The following NRCAM variants were observed in gnomAD, a reference collection of about 807,000 sequenced individuals.
The protein encoded by NRCAM is neuronal cell adhesion molecule, also known as NgCAM-related cell adhesion molecule.
In NRCAM, 83 loss-of-function variants were observed where a neutral mutation model predicts 156.5. The ratio of observed to expected loss-of-function variants is 0.53; its 90% CI spans 0.44 to 0.64. The LOEUF (loss-of-function observed/expected upper bound fraction) is 0.64. Ranked by LOEUF, NRCAM falls within the 30% of genes least tolerant of loss-of-function variation. The pLI, the probability that NRCAM is intolerant of heterozygous loss-of-function variation, is 0.00. For missense variants in NRCAM, 1,417 were observed against 1,597.3 expected (o/e 0.89, Z 1.92); for synonymous variants, 538 against 563.9 (o/e 0.95, Z 0.65).
At chr7:108,176,828 G>A (rs958468938) in intron 26 of NRCAM, 4 of 381,242 alleles carry the variant, frequency 1.0e-5, no homozygotes, top group African/African-American at 6.3e-5. Context: ...ATCACAAGGG[G>A]GTAGTATGTT....
intron 1 of NRCAM, among the ~76,000 whole-genome samples, chr7:108,418,597 A>ACACACACACG (rs1554626861): frequency 3.4e-4 from 50 of 149,232 alleles, no homozygotes; most frequent in African/African-American, 1.1e-3. Flanking sequence ...ACACACACAC[A>ACACACACACG]CACGCACTGA....
intron 1 of NRCAM, among the ~76,000 whole-genome samples, chr7:108,417,502 T>A (rs758668465): frequency 6.6e-6 from 1 of 152,206 alleles, no homozygotes; most frequent in East Asian, 1.9e-4. Flanking sequence ...CACCTCTTCA[T>A]ACTGTTACAA....
At chr7:108,167,935 A>AT (rs2055812154) in intron 29 of NRCAM, among the ~76,000 whole-genome samples, 1 of 152,140 alleles carries the variant, frequency 6.6e-6, no homozygotes, top group Non-Finnish European at 1.5e-5. Flanking sequence ...TGAAAAAAAA[A>AT]CCTTTTCTTC....
At chr7:108,341,897 C>G (rs941402759) in intron 2 of NRCAM, among the ~76,000 whole-genome samples, 3 of 152,130 alleles carry the variant, frequency 2.0e-5, no homozygotes, top group Non-Finnish European at 4.4e-5. Flanking sequence ...CCCTCTATAC[C>G]CAGCTGTACC....
chr7:108,429,113 A>G (rs1457538813), intron 1 of NRCAM, among the ~76,000 whole-genome samples: 1 of 152,236 alleles, frequency 6.6e-6, no homozygotes, highest in African/African-American at 2.4e-5. Flanking sequence ...TTAATTTTTA[A>G]AAATTTAAAT....
chr7:108,191,230 G>GAA (rs1339486176), intron 19 of NRCAM, 24 bp downstream of exon 19: 16 of 1,588,160 alleles, frequency 1.0e-5, no homozygotes, highest in Non-Finnish European at 1.4e-5. Flanking sequence ...AGAAAACAGA[G>GAA]AAAGAAGACT....
intron 3 of NRCAM, among the ~76,000 whole-genome samples, chr7:108,262,376 A>G (rs1563004332): frequency 6.6e-6 from 1 of 152,276 alleles, no homozygotes; most frequent in East Asian, 1.9e-4. Context: ...AATAGGAAAC[A>G]GGAAAGAGAC....
At chr7:108,455,710 CGCCCAG>C (rs1856417276) in intron 1 of NRCAM, among the ~76,000 whole-genome samples, 2 of 152,226 alleles carry the variant, frequency 1.3e-5, no homozygotes, top group African/African-American at 2.4e-5. Context: ...ACAAAGCCCA[CGCCCAG>C]ACGTGTCCGC....
At chr7:108,397,221 T>C (rs778247026) in intron 2 of NRCAM, among the ~76,000 whole-genome samples, 3 of 152,164 alleles carry the variant, frequency 2.0e-5, no homozygotes, top group Non-Finnish European at 4.4e-5. Context: ...ATTTTTCTTG[T>C]GTATGAAAAA....
intron 2 of NRCAM, among the ~76,000 whole-genome samples, chr7:108,393,812 G>A (rs1323437568): frequency 1.3e-5 from 2 of 152,132 alleles, no homozygotes; most frequent in East Asian, 1.9e-4. Context: ...CCTTATCACA[G>A]TACTATGAAG....
At chr7:108,412,169 T>C (rs982550988) in intron 1 of NRCAM, among the ~76,000 whole-genome samples, 14 of 151,884 alleles carry the variant, frequency 9.2e-5, no homozygotes, top group South Asian at 6.2e-4. Context: ...TATTCCAATC[T>C]CAAAGGCGAA....
At chr7:108,216,269 G>C (rs555337920) in intron 11 of NRCAM, among the ~76,000 whole-genome samples, 4 of 152,162 alleles carry the variant, frequency 2.6e-5, no homozygotes, top group Non-Finnish European at 4.4e-5. Context: ...TAGGGTTTCT[G>C]CCAAAAGATC....
chr7:108,195,134 T>A (rs1397450152), intron 15 of NRCAM, among the ~76,000 whole-genome samples: 1 of 152,114 alleles, frequency 6.6e-6, no homozygotes, highest in African/African-American at 2.4e-5. Flanking sequence ...AACTAGTCCC[T>A]CCAGCCACTA....
intron 2 of NRCAM, among the ~76,000 whole-genome samples, chr7:108,363,115 G>C (rs998412056): frequency 2.0e-5 from 3 of 152,004 alleles, no homozygotes; most frequent in Admixed American, 2.0e-4. Context: ...ATAAGAAAAA[G>C]TCAAATTGGA....
rs188932724 is a variant in NRCAM at position 108,341,213 on chromosome 7, G to A, written c.-173-28482C>T. Among the ~76,000 whole-genome samples, 47 of 152,360 alleles carry A rather than the reference G, an allele frequency of 3.1e-4. No homozygotes were observed. The Middle Eastern group carries it at 0.01, about 33-fold the overall frequency. On this transcript the variant is annotated intron_variant, in intron 2 of 32. Transcript: ENST00000379028. ...CCTCTGAGTCAGAAGCCACTAACCA[G>A]ATGATCCGGCAGCAGGACTGAGGGT...
upstream of NRCAM, chr7:108,456,687 C>A: frequency 6.6e-6 from 1 of 152,310 alleles, no homozygotes. Flanking sequence ...GCCGCCCCAC[C>A]GCCAACCTCC....
At chr7:108,201,592 A>G (rs2078162863) in intron 13 of NRCAM, among the ~76,000 whole-genome samples, 1 of 152,216 alleles carries the variant, frequency 6.6e-6, no homozygotes, top group South Asian at 2.1e-4. Context: ...CAATAATAAT[A>G]ATAATGTTAC....
chr7:108,154,946 A>G (rs553089496), intron 32 of NRCAM, among the ~76,000 whole-genome samples: 2 of 152,154 alleles, frequency 1.3e-5, no homozygotes, highest in African/African-American at 4.8e-5. Context: ...GCCTTTTTCA[A>G]TTCCAAGATG....
chr7:108,421,400 G>A (rs1448189840), intron 1 of NRCAM, among the ~76,000 whole-genome samples: 3 of 152,116 alleles, frequency 2.0e-5, no homozygotes, highest in Non-Finnish European at 4.4e-5. Flanking sequence ...ATATTCAAAT[G>A]TTGATAATTA....
Sources: allele counts gnomAD v4.1 joint callset (sites outside exome capture counted in the v4.1 genomes callset), GRCh38; gene constraint gnomAD v4.1.1; transcripts MANE v1.5; gene names NCBI Gene and HGNC (gene_info 2026-07-23, HGNC 2026-07-21).